Variants in CAST observed in about 807,000 individuals in gnomAD.
The protein encoded by CAST is MIR583 host.
A neutral mutation model predicts 119.6 loss-of-function variants in CAST; 76 were observed. That is an observed-to-expected ratio of 0.64 (90% CI 0.53 to 0.77). The LOEUF is 0.77. Ranked by LOEUF, CAST falls within the 30% of genes least tolerant of loss-of-function variation. The pLI, the probability that CAST is intolerant of heterozygous loss-of-function variation, is 0.00. For synonymous variants in CAST, 319 were observed against 331.6 expected, an observed-to-expected ratio of 0.96 and a Z score of 0.41; for missense variants, 953 against 946.5, an observed-to-expected ratio of 1.01 and a Z score of -0.09.
the CAST span, chr5:96,399,059 A>C: frequency 6.4e-7 from 1 of 1,573,432 alleles, no homozygotes; most frequent in Non-Finnish European, 8.7e-7. Flanking sequence ...AAGAATCAGC[A>C]TTGAATAAAG....
the CAST span, among the ~76,000 whole-genome samples, chr5:96,084,306 T>C: frequency 6.6e-6 from 1 of 152,114 alleles, no homozygotes; most frequent in Non-Finnish European, 1.5e-5. Flanking sequence ...AGGCAAGGTA[T>C]GTTGGGGCTG....
intron 1 of CAST, among the ~76,000 whole-genome samples, chr5:96,594,947 T>A (rs1747029627): frequency 6.6e-6 from 1 of 152,208 alleles, no homozygotes; most frequent in Non-Finnish European, 1.5e-5. Context: ...AGCAGCTCTT[T>A]TTCCAGATGC....
At chr5:96,157,314 T>C in the CAST span, among the ~76,000 whole-genome samples, 1 of 152,220 alleles carries the variant, frequency 6.6e-6, no homozygotes, top group African/African-American at 2.4e-5. Flanking sequence ...GACTAGATGA[T>C]TTCTAAGATC....
At chr5:96,399,144 G>A in the CAST span, 5 of 783,490 alleles carry the variant, frequency 6.4e-6, no homozygotes, top group Non-Finnish European at 8.7e-6. Flanking sequence ...TAAGCTTTTT[G>A]TCACTCCCTG....
the CAST span, among the ~76,000 whole-genome samples, chr5:96,483,521 T>C: frequency 6.6e-6 from 1 of 152,238 alleles, no homozygotes; most frequent in East Asian, 1.9e-4. Flanking sequence ...GATTTATCAT[T>C]AATAATAATG....
At chr5:96,484,682 G>C in the CAST span, among the ~76,000 whole-genome samples, 19 of 152,102 alleles carry the variant, frequency 1.2e-4, no homozygotes, top group African/African-American at 4.3e-4. Flanking sequence ...TCTCACTAGA[G>C]AATATCTTGA....
At chr5:96,393,135 G>T in the CAST span, 1 of 1,614,200 alleles carries the variant, frequency 6.2e-7, no homozygotes, top group Admixed American at 1.7e-5. Context: ...AGCTGGGAAG[G>T]TTTGTTCAGC....
chr5:96,037,089 A>G, the CAST span, among the ~76,000 whole-genome samples: 2 of 151,996 alleles, frequency 1.3e-5, no homozygotes, highest in Non-Finnish European at 2.9e-5. Flanking sequence ...CTGGAGCCAT[A>G]TTTTGGCTTC....
the CAST span, among the ~76,000 whole-genome samples, chr5:96,342,685 G>A: frequency 2.6e-5 from 4 of 152,126 alleles, no homozygotes; most frequent in Admixed American, 6.5e-5. Context: ...GCATAGATTG[G>A]TTCTTCCCTC....
At chr5:96,060,421 T>C in the CAST span, among the ~76,000 whole-genome samples, 1 of 152,156 alleles carries the variant, frequency 6.6e-6, no homozygotes, top group Non-Finnish European at 1.5e-5. Context: ...CTTGTCACAA[T>C]AGTAGAGTTT....
At chr5:96,362,660 T>C in the CAST span, among the ~76,000 whole-genome samples, 2 of 152,344 alleles carry the variant, frequency 1.3e-5, no homozygotes, top group African/African-American at 2.4e-5. Flanking sequence ...TCATATACTT[T>C]ACCCACTTTT....
chr5:96,375,433 TGTG>T, the CAST span, among the ~76,000 whole-genome samples: 4 of 86,880 alleles, frequency 4.6e-5, no homozygotes, highest in Non-Finnish European at 5.6e-5. Context: ...TGTGTGTGTG[TGTG>T]TTTTTTTTAC....
the CAST span, among the ~76,000 whole-genome samples, chr5:96,014,426 T>C: frequency 6.6e-6 from 1 of 152,198 alleles, no homozygotes; most frequent in Non-Finnish European, 1.5e-5. Flanking sequence ...ATGAAAAGTA[T>C]AGTATAGTTA....
At chr5:96,163,831 C>G in the CAST span, among the ~76,000 whole-genome samples, 5 of 152,248 alleles carry the variant, frequency 3.3e-5, no homozygotes, top group East Asian at 9.6e-4. Flanking sequence ...AAAACTGTTG[C>G]GAGGATCAGA....
chr5:96,418,293 A>G, the CAST span, among the ~76,000 whole-genome samples: 54 of 152,142 alleles, frequency 3.5e-4, no homozygotes, highest in Non-Finnish European at 7.2e-4. Context: ...ACTTTCTATT[A>G]TCTTAGAACA....
intron 1 of CAST, among the ~76,000 whole-genome samples, chr5:96,549,647 G>C (rs780573687): frequency 6.6e-6 from 1 of 152,206 alleles, no homozygotes; most frequent in Non-Finnish European, 1.5e-5. Flanking sequence ...GCCAAGGGAA[G>C]CCATGAGTGA....
At chr5:96,196,722 C>G in the CAST span, among the ~76,000 whole-genome samples, 3 of 152,236 alleles carry the variant, frequency 2.0e-5, no homozygotes, top group South Asian at 6.2e-4. Context: ...AAGGCAAGGG[C>G]CAGATAACGC....
intron 1 of CAST, among the ~76,000 whole-genome samples, chr5:96,558,596 T>G (rs1056437879): frequency 1.3e-5 from 2 of 152,078 alleles, no homozygotes; most frequent in Non-Finnish European, 2.9e-5. Flanking sequence ...ACAAATAAAC[T>G]AGAAAATCTA....
chr5:96,209,778 G>T, the CAST span, among the ~76,000 whole-genome samples: 1 of 150,610 alleles, frequency 6.6e-6, no homozygotes, highest in Non-Finnish European at 1.5e-5. Context: ...TTTTATGTCA[G>T]TCTTGGAAAA....
Sources: allele counts gnomAD v4.1 joint callset (sites outside exome capture counted in the v4.1 genomes callset), GRCh38; gene constraint gnomAD v4.1.1; transcripts MANE v1.5; gene names NCBI Gene and HGNC (gene_info 2026-07-23, HGNC 2026-07-21).